The following PIGK variants were observed in gnomAD, a reference collection of about 807,000 sequenced individuals.
PIGK encodes the protein phosphatidylinositol glycan anchor biosynthesis class K.
A neutral mutation model predicts 50.6 loss-of-function variants in PIGK; 42 were observed. That is an observed-to-expected ratio of 0.83 (90% CI 0.65 to 1.07). PIGK has a LOEUF of 1.07. Among genes scored for constraint, PIGK ranks in the 50% least tolerant of loss-of-function variants. The pLI, the probability that PIGK is intolerant of heterozygous loss-of-function variation, is 0.00. For synonymous variants in PIGK, 151 were observed against 156.0 expected, an observed-to-expected ratio of 0.97 and a Z score of 0.24; for missense variants, 448 against 488.7, an observed-to-expected ratio of 0.92 and a Z score of 0.78.
chr1:77,128,949 A>G (rs1460658019), intron 9 of PIGK, among the ~76,000 whole-genome samples: 5 of 152,236 alleles, frequency 3.3e-5, no homozygotes, highest in African/African-American at 1.2e-4. Context: ...AAGAAAAATA[A>G]CATTTCATGA....
chr1:77,209,772 G>A (rs1320761872), intron 2 of PIGK, among the ~76,000 whole-genome samples: 3 of 152,020 alleles, frequency 2.0e-5, no homozygotes, highest in Non-Finnish European at 4.4e-5. Flanking sequence ...CCTACTGGCA[G>A]GGAAAGATCC....
chr1:77,132,627 T>C (rs1041949598), intron 9 of PIGK, among the ~76,000 whole-genome samples: 7 of 152,068 alleles, frequency 4.6e-5, no homozygotes, highest in Admixed American at 6.6e-5. Context: ...TTAATTGATA[T>C]ATTTACTGAT....
At chr1:77,128,038 C>T (rs1349561151) in intron 9 of PIGK, among the ~76,000 whole-genome samples, 1 of 152,080 alleles carries the variant, frequency 6.6e-6, no homozygotes, top group African/African-American at 2.4e-5. Flanking sequence ...ACACAAAATG[C>T]TATTACAAAT....
At chr1:77,160,008 C>G (rs528628205) in intron 8 of PIGK, among the ~76,000 whole-genome samples, 1 of 152,268 alleles carries the variant, frequency 6.6e-6, no homozygotes, top group African/African-American at 2.4e-5. Context: ...TGTCCTCACT[C>G]AAATCTCATC....
Position 77,090,380 on chromosome 1 carries a change from A to G in PIGK, c.*1994T>C, listed in dbSNP as rs1653268868. On this transcript the variant is annotated 3_prime_UTR_variant, in exon 11 of 11. Coordinates refer to ENST00000370812, the MANE Select transcript of PIGK (RefSeq NM_005482.3). ...ATAAGTGAAACATTTAACATATTTTAAGCTTTTGGCTTTAACTATATTCTG... is the reference window on the plus strand; with the variant it reads ...ATAAGTGAAACATTTAACATATTTTGAGCTTTTGGCTTTAACTATATTCTG... 1 of 152,334 alleles carries G rather than the reference A, an allele frequency of 6.6e-6. No homozygotes were observed. Among genetic ancestry groups the G allele is most frequent in the Admixed American group, 6.5e-5 (1 of 15,300 alleles). 9.4% of individuals were successfully genotyped at this position (152,334 alleles called of 1,614,324 possible).
At chr1:77,197,027 C>T (rs758297395) in intron 3 of PIGK, among the ~76,000 whole-genome samples, 1 of 152,056 alleles carries the variant, frequency 6.6e-6, no homozygotes, top group Non-Finnish European at 1.5e-5. Context: ...TGATATTTAA[C>T]ACTCTCACAG....
At chr1:77,146,477 CAT>C (rs1383923220) in intron 9 of PIGK, among the ~76,000 whole-genome samples, 8 of 151,992 alleles carry the variant, frequency 5.3e-5, no homozygotes. Flanking sequence ...GCCTGGATAA[CAT>C]AGCAAGACCC....
chr1:77,138,366 C>T (rs1654569420), intron 9 of PIGK, among the ~76,000 whole-genome samples: 1 of 152,134 alleles, frequency 6.6e-6, no homozygotes, highest in Admixed American at 6.5e-5. Flanking sequence ...TTGGAGGGGC[C>T]ATGAGGCAAG....
intron 10 of PIGK, among the ~76,000 whole-genome samples, chr1:77,099,170 AAAT>A (rs2100509863): frequency 6.6e-6 from 1 of 152,278 alleles, no homozygotes; most frequent in East Asian, 1.9e-4. Flanking sequence ...AAATATTTTC[AAAT>A]AATTTTAATG....
intron 9 of PIGK, among the ~76,000 whole-genome samples, chr1:77,148,278 C>T (rs746818029): frequency 3.9e-5 from 6 of 152,092 alleles, no homozygotes; most frequent in Non-Finnish European, 8.8e-5. Flanking sequence ...TGTAAAAATT[C>T]CTGAACCACT....
chr1:77,150,988 C>A (rs576621640), intron 9 of PIGK, among the ~76,000 whole-genome samples: 1 of 152,236 alleles, frequency 6.6e-6, no homozygotes, highest in East Asian at 1.9e-4. Context: ...CCAAATTCAT[C>A]TATGAGGCTA....
intron 9 of PIGK, among the ~76,000 whole-genome samples, chr1:77,146,688 T>G (rs1654776268): frequency 6.6e-6 from 1 of 151,902 alleles, no homozygotes; most frequent in Non-Finnish European, 1.5e-5. Flanking sequence ...TCCCAGCTAC[T>G]CAGGAGGCTA....
At chr1:77,217,805 T>C (rs1043655821) in intron 1 of PIGK, among the ~76,000 whole-genome samples, 8 of 152,190 alleles carry the variant, frequency 5.3e-5, no homozygotes, top group African/African-American at 1.9e-4. Context: ...GGAAACGTTC[T>C]ACAGAGGTTA....
At chr1:77,108,450 G>C (rs1036074500) in intron 10 of PIGK, among the ~76,000 whole-genome samples, 1 of 152,092 alleles carries the variant, frequency 6.6e-6, no homozygotes, top group Non-Finnish European at 1.5e-5. Flanking sequence ...AGTTTCTGCC[G>C]AGAGATCTGC....
Position 77,154,629 on chromosome 1 carries a change from AAT to A in PIGK, c.814-10_814-9del. 2.6e-6 allele frequency: 4 copies of A among 1,567,104 alleles called. No homozygotes were observed. Among genetic ancestry groups the A allele is most frequent in the Non-Finnish European group, 3.5e-6 (4 of 1,142,732 alleles). On this transcript the variant is annotated splice_polypyrimidine_tract_variant and intron_variant, in intron 8 of 10. Coordinates refer to ENST00000370812, the MANE Select transcript of PIGK (RefSeq NM_005482.3). ...TTTGGGACATACCTGAAACTGAAAA[AAT>A]ATATAATAATAAATGCATGCATCCA... is the stretch of plus-strand genomic sequence containing the variant.
At chr1:77,194,719 G>T in intron 3 of PIGK, 1 of 314,510 alleles carries the variant, frequency 3.2e-6, no homozygotes, top group Non-Finnish European at 6.1e-6. Context: ...AAAACAATTT[G>T]TACACCAAAC....
chr1:77,186,672 C>G (rs1281617413), intron 3 of PIGK, among the ~76,000 whole-genome samples: 3 of 152,128 alleles, frequency 2.0e-5, no homozygotes, highest in African/African-American at 7.2e-5. Flanking sequence ...GCCTGTTTCC[C>G]CAGTCACCCC....
At chr1:77,128,991 G>T (rs549995632) in intron 9 of PIGK, 3 of 642,992 alleles carry the variant, frequency 4.7e-6, no homozygotes, top group Non-Finnish European at 8.5e-6. Context: ...TTGAATTTCA[G>T]TGTTGCACTA....
chr1:77,149,298 T>G (rs1018538094), intron 9 of PIGK, among the ~76,000 whole-genome samples: 7 of 151,990 alleles, frequency 4.6e-5, no homozygotes, highest in African/African-American at 1.7e-4. Context: ...GACATCATAA[T>G]TAAAAGACAT....
Sources: allele counts gnomAD v4.1 joint callset (sites outside exome capture counted in the v4.1 genomes callset), GRCh38; gene constraint gnomAD v4.1.1; transcripts MANE v1.5; gene names NCBI Gene and HGNC (gene_info 2026-07-23, HGNC 2026-07-21).